The following GSG1L variants were observed in gnomAD, a reference collection of about 807,000 sequenced individuals.
GSG1L encodes germ cell-specific gene 1-like protein.
In GSG1L, 24 loss-of-function variants were observed where a neutral mutation model predicts 42.1. The ratio of observed to expected loss-of-function variants is 0.57; its 90% CI spans 0.41 to 0.80. The LOEUF is 0.80. GSG1L is among the 30% of genes least tolerant of loss of function. The pLI, the probability that GSG1L is intolerant of heterozygous loss-of-function variation, is 0.00. For synonymous variants in GSG1L, 215 were observed against 203.5 expected (o/e 1.06, Z -0.48); for missense variants, 445 against 472.2 (o/e 0.94, Z 0.53).
At chr16:27,987,355 T>C (rs1156744458) in intron 1 of GSG1L, among the ~76,000 whole-genome samples, 2 of 152,200 alleles carry the variant, frequency 1.3e-5, no homozygotes, top group Non-Finnish European at 2.9e-5. Context: ...TGTTGGATGT[T>C]TTAAGGTCAT....
chr16:27,943,566 CTTTTTT>C (rs11385465), intron 2 of GSG1L, among the ~76,000 whole-genome samples: 110 of 67,718 alleles, frequency 1.6e-3, no homozygotes, highest in African/African-American at 4.8e-3. Context: ...TTCTTTGTTT[CTTTTTT>C]TTTTTTTTTT....
intron 1 of GSG1L, among the ~76,000 whole-genome samples, chr16:28,009,806 T>C (rs777930026): frequency 1.3e-5 from 2 of 152,144 alleles, no homozygotes; most frequent in Non-Finnish European, 2.9e-5. Context: ...ATCTGTAAAA[T>C]GGGGATTATG....
chr16:27,893,085 C>A (rs919501996), intron 2 of GSG1L, among the ~76,000 whole-genome samples: 15 of 152,118 alleles, frequency 9.9e-5, no homozygotes, highest in Non-Finnish European at 1.9e-4. Context: ...TGTCCCAAGT[C>A]TCCGAAACTT....
At chr16:27,992,975 C>T (rs181253597) in intron 1 of GSG1L, among the ~76,000 whole-genome samples, 225 of 152,284 alleles carry the variant, frequency 1.5e-3, no homozygotes, top group Admixed American at 2.9e-3. Flanking sequence ...TTATTGAGAA[C>T]GTACTATGTG....
At chr16:27,794,416 C>T (rs932467658) in intron 6 of GSG1L, among the ~76,000 whole-genome samples, 1 of 151,982 alleles carries the variant, frequency 6.6e-6, no homozygotes, top group Non-Finnish European at 1.5e-5. Flanking sequence ...CTGCCAGCTC[C>T]GCTTCCCGGG....
chr16:27,837,934 G>T (rs892419021), intron 4 of GSG1L, among the ~76,000 whole-genome samples: 5 of 151,048 alleles, frequency 3.3e-5, no homozygotes, highest in Non-Finnish European at 7.4e-5. Context: ...AACACAAAAA[G>T]AACTCAGCAA....
rs2086361655 is a variant in GSG1L at position 28,063,059 on chromosome 16, C to T, written c.349+17G>A. ...GGGGAGCCGGAGCCGAGCTGGCCGCCGCCCGCGCGCACTCACCAAGCCCGC... is the reference window on the plus strand; with the variant it reads ...GGGGAGCCGGAGCCGAGCTGGCCGCTGCCCGCGCGCACTCACCAAGCCCGC... On this transcript the variant is annotated intron_variant, in intron 1 of 6. Transcript: ENST00000447459. This position sits in a 1 kb window ranked among gnomAD's most constrained non-coding sequence, Gnocchi z 5.8. 4 of 1,397,730 alleles carry T rather than the reference C, an allele frequency of 2.9e-6. No homozygotes were observed. The highest frequency in any genetic ancestry group is 1.4e-5 in the South Asian group (1 of 70,282). 86.6% of individuals were successfully genotyped at this position (1,397,730 alleles called of 1,614,324 possible). A position where few individuals can be genotyped will look rare whatever the true frequency, so the allele number is the denominator to read the frequency against.
chr16:27,819,337 C>G (rs1364755046), intron 5 of GSG1L, among the ~76,000 whole-genome samples: 1 of 152,104 alleles, frequency 6.6e-6, no homozygotes, highest in African/African-American at 2.4e-5. Flanking sequence ...CAATGATTAC[C>G]TGGCAATACA....
chr16:27,938,668 A>G (rs2084748716), intron 2 of GSG1L, among the ~76,000 whole-genome samples: 1 of 152,216 alleles, frequency 6.6e-6, no homozygotes. Flanking sequence ...ACCTCTAGGA[A>G]GAGCAGAAAA....
intron 1 of GSG1L, among the ~76,000 whole-genome samples, chr16:28,049,124 G>A (rs769820059): frequency 6.6e-6 from 1 of 152,180 alleles, no homozygotes; most frequent in East Asian, 1.9e-4. Flanking sequence ...ACCACTGGTA[G>A]ACTTGAGCAA....
rs568422524 is a variant in GSG1L, at chr16:27,975,142, A to G, written c.350-11939T>C. ...TGCTGATGCTGCCGGCCTGGGAACC[A>G]CACTTTGAGAGCCACTCCTTAGAGA... On this transcript the variant is annotated intron_variant, in intron 1 of 6. Coordinates refer to ENST00000447459, the MANE Select transcript of GSG1L (RefSeq NM_001109763.2). Among the ~76,000 whole-genome samples, 5 of 152,250 alleles carry G rather than the reference A, an allele frequency of 3.3e-5. No homozygotes were observed. In the South Asian group the frequency reaches 1.0e-3, roughly 32 times the overall value.
intron 2 of GSG1L, among the ~76,000 whole-genome samples, chr16:27,910,314 C>A (rs529111676): frequency 6.6e-6 from 1 of 152,054 alleles, no homozygotes; most frequent in African/African-American, 2.4e-5. Context: ...GGGACAAGGA[C>A]AAATGTAGTA....
chr16:28,003,891 A>G (rs2085607474), intron 1 of GSG1L, among the ~76,000 whole-genome samples: 1 of 152,196 alleles, frequency 6.6e-6, no homozygotes, highest in Non-Finnish European at 1.5e-5. Context: ...ACCCAGAAAG[A>G]TGGAGGCTGG....
chr16:27,922,296 T>C (rs573322311), intron 2 of GSG1L, among the ~76,000 whole-genome samples: 1 of 152,328 alleles, frequency 6.6e-6, no homozygotes, highest in East Asian at 1.9e-4. Context: ...ATTTGTCTAA[T>C]TCTATTGATC....
rs1280758598 is a variant in GSG1L at position 27,790,380 on chromosome 16, GTCCTGATTCAAACCCCA to G, written c.*973_*989del. On this transcript the variant is annotated 3_prime_UTR_variant, in exon 7 of 7. Transcript: ENST00000447459. ...GAAATGACTGAACTTGGAGTCAGGA[GTCCTGATTCAAACCCCA>G]TCTCTGCCATTTGCTAGCTCTGTAA... is the stretch of plus-strand genomic sequence containing the variant. The G allele has an allele frequency of 1.3e-5, 2 of 152,196 alleles. No homozygotes were observed. The highest frequency in any genetic ancestry group is 4.8e-5 in the African/African-American group (2 of 41,444). The allele number at this position is 152,196 out of a possible 1,614,324, so 9.4% of individuals were successfully genotyped here. A position where few individuals can be genotyped will look rare whatever the true frequency, so the allele number is the denominator to read the frequency against.
chr16:27,814,059 C>G (rs1392764672), intron 5 of GSG1L, among the ~76,000 whole-genome samples: 1 of 152,168 alleles, frequency 6.6e-6, no homozygotes, highest in African/African-American at 2.4e-5. Flanking sequence ...TTCACTACTG[C>G]TATCTTTAAA....
intron 2 of GSG1L, among the ~76,000 whole-genome samples, chr16:27,899,732 T>C (rs1017960074): frequency 1.3e-5 from 2 of 151,808 alleles, no homozygotes; most frequent in Admixed American, 6.6e-5. Context: ...CATAAATAAA[T>C]AACAACAAGA....
intron 1 of GSG1L, among the ~76,000 whole-genome samples, chr16:28,007,745 G>A (rs770867545): frequency 9.9e-5 from 15 of 151,812 alleles, no homozygotes; most frequent in Non-Finnish European, 1.8e-4. Flanking sequence ...CAAACTCCTG[G>A]GCTCAAGTGA....
chr16:27,979,750 G>A (rs1236229494), intron 1 of GSG1L, among the ~76,000 whole-genome samples: 5 of 14,440 alleles, frequency 3.5e-4, no homozygotes, highest in Non-Finnish European at 7.5e-4. Flanking sequence ...AGAAAGAAAG[G>A]AAAGAAAGAA....
Sources: allele counts gnomAD v4.1 joint callset (sites outside exome capture counted in the v4.1 genomes callset), GRCh38; gene constraint gnomAD v4.1.1; non-coding constraint Gnocchi (gnomAD v3.1); transcripts MANE v1.5; gene names NCBI Gene and HGNC (gene_info 2026-07-23, HGNC 2026-07-21).